Variants in PGAP1 observed in about 807,000 individuals in gnomAD.
The protein encoded by PGAP1 is post-GPI attachment to proteins inositol deacylase 1, also known as GPI inositol-deacylase.
PGAP1 carries 76 observed loss-of-function variants against 127.0 expected under a neutral mutation model. The observed-to-expected ratio is 0.60, with a 90% CI of 0.50 to 0.72. PGAP1 has a LOEUF of 0.72. PGAP1 is among the 30% of genes least tolerant of loss of function. PGAP1 has a pLI of 0.00. For missense variants in PGAP1, 982 were observed against 1,071.3 expected, an observed-to-expected ratio of 0.92 and a Z score of 1.16; for synonymous variants, 362 against 366.5, an observed-to-expected ratio of 0.99 and a Z score of 0.14.
chr2:196,900,421 T>A (rs926394334), intron 5 of PGAP1, among the ~76,000 whole-genome samples: 3 of 152,246 alleles, frequency 2.0e-5, no homozygotes, highest in Non-Finnish European at 4.4e-5. Context: ...GATGTAAACA[T>A]CATTTAACTA....
chr2:196,892,925 A>G (rs571553745), intron 8 of PGAP1, among the ~76,000 whole-genome samples: 3 of 152,212 alleles, frequency 2.0e-5, no homozygotes, highest in Non-Finnish European at 4.4e-5. Flanking sequence ...CAAAATTTTT[A>G]CCAGCAATCT....
rs758283563 is a variant in PGAP1, at chr2:196,845,994, A to T, written c.2174T>A (p.Ile725Asn). The T allele has an allele frequency of 1.1e-5, 18 of 1,598,098 alleles. No homozygotes were observed. The highest frequency in any genetic ancestry group is 4.5e-5 in the South Asian group (4 of 88,608). Residue 725 changes from isoleucine (I) to asparagine (N), a missense_variant, in exon 23 of 27, where the codon ATC (isoleucine) becomes AAC (asparagine). Physicochemically the swap from Ile to Asn is moderately radical, Grantham distance 149. Coordinates refer to ENST00000354764, the MANE Select transcript of PGAP1 (RefSeq NM_024989.4). ...LKRPSELPKD[I>N]KMISPDLPFL... ...GGGCAAGTCTGGTGATATCATCTTGATATCTTTAGGAAGTTCAGAGGGTCT... is the reference window on the plus strand; with the variant it reads ...GGGCAAGTCTGGTGATATCATCTTGTTATCTTTAGGAAGTTCAGAGGGTCT...
chr2:196,887,218 G>C (rs1402191243), intron 10 of PGAP1, among the ~76,000 whole-genome samples: 3 of 151,868 alleles, frequency 2.0e-5, no homozygotes, highest in South Asian at 2.1e-4. Flanking sequence ...CCCCGTCTCT[G>C]CTAAAAATAC....
intron 20 of PGAP1, among the ~76,000 whole-genome samples, chr2:196,864,576 T>C (rs1411831951): frequency 6.6e-6 from 1 of 152,080 alleles, no homozygotes; most frequent in African/African-American, 2.4e-5. Context: ...CTTAATCTGG[T>C]TAGACTCAAA....
At chr2:196,846,147 G>T in intron 22 of PGAP1, 130 bp from the exon 23 acceptor site, 1 of 478,792 alleles carries the variant, frequency 2.1e-6, no homozygotes, top group Admixed American at 4.2e-5. Context: ...TAAACAACAA[G>T]GTATTTTTTA....
intron 20 of PGAP1, among the ~76,000 whole-genome samples, chr2:196,848,340 T>C (rs1209189083): frequency 2.6e-5 from 4 of 152,190 alleles, no homozygotes; most frequent in African/African-American, 9.6e-5. Flanking sequence ...AAAATTCTGA[T>C]ATAATTCTTC....
At chr2:196,880,013 G>T in intron 13 of PGAP1, 63 bp downstream of exon 13, 1 of 1,191,950 alleles carries the variant, frequency 8.4e-7, no homozygotes, top group Non-Finnish European at 1.2e-6. Flanking sequence ...CATTGAAAAA[G>T]AACTGTAAAA....
chr2:196,895,277 C>T (rs933406065), intron 7 of PGAP1, among the ~76,000 whole-genome samples: 1 of 152,104 alleles, frequency 6.6e-6, no homozygotes, highest in African/African-American at 2.4e-5. Flanking sequence ...GAAAAACATG[C>T]TTGTATTTAT....
At chr2:196,885,548 GA>G in intron 11 of PGAP1, 73 bp from the exon 12 acceptor site, 1 of 1,153,166 alleles carries the variant, frequency 8.7e-7, no homozygotes, top group Non-Finnish European at 1.3e-6. Context: ...ATAAGATTCA[GA>G]GGAAAAAGAA....
Sources: allele counts gnomAD v4.1 joint callset (sites outside exome capture counted in the v4.1 genomes callset), GRCh38; gene constraint gnomAD v4.1.1; transcripts MANE v1.5; gene names NCBI Gene and HGNC (gene_info 2026-07-23, HGNC 2026-07-21).